Variants in TMED3 observed in about 807,000 individuals in gnomAD.
The protein encoded by TMED3 is transmembrane p24 trafficking protein 3, also known as transmembrane emp24 domain-containing protein 3.
In TMED3, 9 loss-of-function variants were observed where a neutral mutation model predicts 15.0. The observed-to-expected ratio is 0.60, with a 90% CI of 0.36 to 1.04. TMED3 has a LOEUF of 1.04. Among genes scored for constraint, TMED3 ranks in the 50% least tolerant of loss-of-function variants. The pLI is 0.01. For missense variants in TMED3, 267 were observed against 278.9 expected (o/e 0.96, Z 0.30); for synonymous variants, 117 against 121.4 (o/e 0.96, Z 0.24).
chr15:79,377,657 T>C (rs1893451921), intron 2 of TMED3, among the ~76,000 whole-genome samples: 1 of 149,880 alleles, frequency 6.7e-6, no homozygotes, highest in South Asian at 2.1e-4. Flanking sequence ...TTTTTTTTTT[T>C]TTTTTTTTGA....
At chr15:79,397,379 T>C (rs1176005511) in intron 2 of TMED3, among the ~76,000 whole-genome samples, 1 of 152,208 alleles carries the variant, frequency 6.6e-6, no homozygotes, top group African/African-American at 2.4e-5. Flanking sequence ...GTTTTGAGTT[T>C]TGCGCTCTCT....
At chr15:79,324,095 A>G (rs1185628334), downstream of TMED3, among the ~76,000 whole-genome samples, 5 of 152,026 alleles carry the variant, frequency 3.3e-5, no homozygotes, top group South Asian at 2.1e-4. Flanking sequence ...GGTTTACACC[A>G]TTCTCCTGCT....
intron 2 of TMED3, among the ~76,000 whole-genome samples, chr15:79,331,554 A>G (rs1347784323): frequency 2.0e-5 from 3 of 151,802 alleles, no homozygotes; most frequent in African/African-American, 7.2e-5. Context: ...AAAAAAAAAA[A>G]AAAAAAAGGA....
chr15:79,383,678 C>T (rs1022869086), intron 2 of TMED3: 2 of 152,454 alleles, frequency 1.3e-5, no homozygotes, highest in Non-Finnish European at 2.9e-5. Context: ...GAATCAGTCA[C>T]ATAGATATGG....
chr15:79,336,604 G>GCGGAGGTTGCAGTGAC (rs1165252658), intron 2 of TMED3, among the ~76,000 whole-genome samples: 11 of 152,062 alleles, frequency 7.2e-5, no homozygotes, highest in Admixed American at 5.9e-4. Flanking sequence ...GTTGCAGTGA[G>GCGGAGGTTGCAGTGAC]CAGAGGTTGC....
intron 2 of TMED3, among the ~76,000 whole-genome samples, chr15:79,399,259 C>T (rs777084575): frequency 1.1e-4 from 17 of 152,102 alleles, no homozygotes; most frequent in Non-Finnish European, 1.6e-4. Context: ...CCCAAAATAA[C>T]GTTTGACCAA....
intron 2 of TMED3, among the ~76,000 whole-genome samples, chr15:79,320,645 A>G (rs12905379): frequency 0.98 from 149,919 of 152,312 alleles, 73,819 homozygotes; most frequent in Non-Finnish European, 1. Context: ...GATAGGATAG[A>G]ATTTTCTAGG....
intron 2 of TMED3, among the ~76,000 whole-genome samples, chr15:79,318,804 T>C (rs1384068500): frequency 6.6e-6 from 1 of 152,158 alleles, no homozygotes; most frequent in African/African-American, 2.4e-5. Context: ...GCGACCATTG[T>C]CCCCAGTGCA....
intron 2 of TMED3, among the ~76,000 whole-genome samples, chr15:79,361,446 C>T (rs971981389): frequency 6.6e-6 from 1 of 152,098 alleles, no homozygotes; most frequent in African/African-American, 2.4e-5. Flanking sequence ...TCACAGCAAC[C>T]CGGGTAACTC....
chr15:79,316,847 G>A (rs1160884645), intron 2 of TMED3, among the ~76,000 whole-genome samples: 1 of 152,138 alleles, frequency 6.6e-6, no homozygotes, highest in Non-Finnish European at 1.5e-5. Flanking sequence ...GGGTTCTGTT[G>A]GTTTTCTGCT....
chr15:79,325,581 T>G (rs1052851153), downstream of TMED3, among the ~76,000 whole-genome samples: 1 of 152,142 alleles, frequency 6.6e-6, no homozygotes, highest in African/African-American at 2.4e-5. Context: ...GGGAGTTTAT[T>G]AAGGAGAATT....
At chr15:79,370,256 A>ATTTTTTTTTTTTT (rs398028085) in intron 2 of TMED3, among the ~76,000 whole-genome samples, 20 of 104,950 alleles carry the variant, frequency 1.9e-4, no homozygotes, top group East Asian at 5.6e-4. Context: ...TGCCCAGCTA[A>ATTTTTTTTTTTTT]TTTTTTTTTT....
At chr15:79,343,957 A>T (rs982786166) in intron 2 of TMED3, among the ~76,000 whole-genome samples, 1 of 152,204 alleles carries the variant, frequency 6.6e-6, no homozygotes, top group South Asian at 2.1e-4. Context: ...TTCAACAGCC[A>T]TATGAGTCTG....
At chr15:79,374,088 A>T (rs1893387915) in intron 2 of TMED3, among the ~76,000 whole-genome samples, 1 of 152,202 alleles carries the variant, frequency 6.6e-6, no homozygotes, top group Admixed American at 6.5e-5. Flanking sequence ...CTGGAAAAAG[A>T]AGGGGACTCT....
intron 2 of TMED3, among the ~76,000 whole-genome samples, chr15:79,377,587 C>T: frequency 6.6e-6 from 1 of 151,098 alleles, no homozygotes; most frequent in East Asian, 1.9e-4. Flanking sequence ...GTGAAGGACT[C>T]TGGTAGCAAC....
chr15:79,368,633 C>T (rs1893281594), intron 2 of TMED3, among the ~76,000 whole-genome samples: 1 of 152,132 alleles, frequency 6.6e-6, no homozygotes, highest in Non-Finnish European at 1.5e-5. Context: ...GGAGAGAAAA[C>T]TAGGTGAGGC....
At chr15:79,377,630 A>G (rs1893449906) in intron 2 of TMED3, among the ~76,000 whole-genome samples, 1 of 151,082 alleles carries the variant, frequency 6.6e-6, no homozygotes, top group Non-Finnish European at 1.5e-5. Flanking sequence ...AAAATTGCAT[A>G]TGAACAAACC....
At chr15:79,377,285 TG>T (rs1893442783) in intron 2 of TMED3, among the ~76,000 whole-genome samples, 1 of 150,290 alleles carries the variant, frequency 6.7e-6, no homozygotes, top group Admixed American at 6.6e-5. Flanking sequence ...TGTGTGTGTG[TG>T]TGTGTGTGTG....
chr15:79,400,791 G>A (rs1893823883), intron 2 of TMED3, among the ~76,000 whole-genome samples: 1 of 152,196 alleles, frequency 6.6e-6, no homozygotes, highest in Non-Finnish European at 1.5e-5. Context: ...ATCACTTAAT[G>A]TCAAGGGACC....
Sources: allele counts gnomAD v4.1 joint callset (sites outside exome capture counted in the v4.1 genomes callset), GRCh38; gene constraint gnomAD v4.1.1; transcripts MANE v1.5; gene names NCBI Gene and HGNC (gene_info 2026-07-23, HGNC 2026-07-21).